ACER3: variants seen among roughly 807,000 people sequenced by gnomAD.
ACER3 encodes alkaline ceramidase 3.
In ACER3, 16 loss-of-function variants were observed where a neutral mutation model predicts 48.9. The ratio of observed to expected loss-of-function variants is 0.33; its 90% confidence interval spans 0.22 to 0.50. The LOEUF (loss-of-function observed/expected upper bound fraction) is 0.50. Among genes scored for constraint, ACER3 ranks in the 20% least tolerant of loss-of-function variants. ACER3 has a pLI of 0.98. For missense variants in ACER3, 227 were observed against 326.0 expected (o/e 0.70, Z 2.34); for synonymous variants, 109 against 107.8 (o/e 1.01, Z -0.07).
chr11:76,929,809 G>T (rs1451844902), intron 2 of ACER3, among the ~76,000 whole-genome samples: 3 of 152,176 alleles, frequency 2.0e-5, no homozygotes, highest in African/African-American at 7.2e-5. Flanking sequence ...TTGCATCCCA[G>T]GGATGAAGCC....
chr11:76,872,678 A>G (rs908180014), intron 1 of ACER3, among the ~76,000 whole-genome samples: 7 of 152,170 alleles, frequency 4.6e-5, no homozygotes, highest in African/African-American at 1.7e-4. Context: ...ATGGGTTACC[A>G]TATCACAGGA....
chr11:76,898,131 G>A (rs960230358), intron 1 of ACER3, among the ~76,000 whole-genome samples: 3 of 152,064 alleles, frequency 2.0e-5, no homozygotes, highest in South Asian at 2.1e-4. Context: ...TTGTGCAAAA[G>A]TGTACCTACC....
intron 2 of ACER3, among the ~76,000 whole-genome samples, chr11:76,934,928 A>G (rs577999460): frequency 1.3e-4 from 20 of 152,356 alleles, no homozygotes; most frequent in African/African-American, 4.8e-4. Flanking sequence ...TCTTCTCCAC[A>G]ACAAACTGTG....
chr11:76,868,076 G>A, intron 1 of ACER3: 1 of 1,285,560 alleles, frequency 7.8e-7, no homozygotes, highest in Non-Finnish European at 1.0e-6. Context: ...GCATTTGACT[G>A]CTTGTAGCCC....
chr11:76,878,755 T>C (rs1057042737), intron 1 of ACER3, among the ~76,000 whole-genome samples: 1 of 152,130 alleles, frequency 6.6e-6, no homozygotes, highest in African/African-American at 2.4e-5. Flanking sequence ...TAAGACTTTT[T>C]CTCCACAGTG....
In ACER3 at chr11:76,868,230, T is replaced by A. The variant is rs1191534314; in HGVS notation, c.103+7151T>A. 7 of 1,289,612 alleles carry A rather than the reference T, an allele frequency of 5.4e-6. No homozygotes were observed. In the Admixed American group the frequency reaches 1.6e-4, roughly 30 times the overall value. 79.9% of individuals were successfully genotyped at this position (1,289,612 alleles called of 1,614,324 possible). A position where few individuals can be genotyped will look rare whatever the true frequency, so the allele number is the denominator to read the frequency against. ...TGGCAGAGGTGACATCCCTGTCATA[T>A]GAAGGAAGATGCTCCTTTCTCTGAA... is the stretch of plus-strand genomic sequence containing the variant. On this transcript the variant is annotated intron_variant, in intron 1 of 10. Coordinates refer to ENST00000532485, the MANE Select transcript of ACER3 (RefSeq NM_018367.7).
chr11:77,016,583 G>A (rs1480078985), intron 8 of ACER3, 92 bp from the exon 9 acceptor site: 43 of 632,010 alleles, frequency 6.8e-5, no homozygotes, highest in Non-Finnish European at 1.1e-4. Flanking sequence ...CTGCTGTTTT[G>A]AGAATGATAT....
intron 1 of ACER3, among the ~76,000 whole-genome samples, chr11:76,866,674 A>G (rs1466686350): frequency 1.3e-5 from 2 of 152,236 alleles, no homozygotes; most frequent in East Asian, 3.8e-4. Context: ...AATCCTCAGA[A>G]CATTCCTATC....
chr11:76,984,999 C>T (rs1052253390), intron 4 of ACER3, among the ~76,000 whole-genome samples: 1 of 152,196 alleles, frequency 6.6e-6, no homozygotes, highest in African/African-American at 2.4e-5. Context: ...TTCCTCTCCA[C>T]ATGGCTTCGC....
At chr11:76,881,080 A>G (rs1945512783) in intron 1 of ACER3, among the ~76,000 whole-genome samples, 1 of 151,498 alleles carries the variant, frequency 6.6e-6, no homozygotes, top group South Asian at 2.1e-4. Flanking sequence ...ATATGGTGAA[A>G]CTCATCTCTA....
intron 7 of ACER3, among the ~76,000 whole-genome samples, chr11:77,005,992 T>TATATACATATATATATATATA (rs1491403985): frequency 1.6e-4 from 11 of 70,574 alleles, no homozygotes; most frequent in African/African-American, 4.9e-4. Flanking sequence ...TATATATATA[T>TATATACATATATATATATATA]TTTTTTTTTT....
At chr11:76,875,133 T>TTTTTTTTTTA (rs1490255598) in intron 1 of ACER3, among the ~76,000 whole-genome samples, 2 of 141,302 alleles carry the variant, frequency 1.4e-5, no homozygotes, top group African/African-American at 5.6e-5. Context: ...TTTTTTTTTT[T>TTTTTTTTTTA]AGATGGAATC....
At chr11:76,868,385 CTCTCTCTGTGTGTG>C (rs1453035126) in intron 1 of ACER3, 25 of 544,560 alleles carry the variant, frequency 4.6e-5, no homozygotes, top group African/African-American at 6.5e-5. Flanking sequence ...ATCTCTCTCT[CTCTCTCTGTGTGTG>C]TGTGTGTGTG....
At chr11:77,015,208 G>C in intron 8 of ACER3, 91 bp downstream of exon 8, 1 of 697,640 alleles carries the variant, frequency 1.4e-6, no homozygotes, top group South Asian at 1.8e-5. Flanking sequence ...GTAGTGCCCT[G>C]AAATGAATTT....
chr11:76,934,563 C>T (rs995484620), intron 2 of ACER3, among the ~76,000 whole-genome samples: 9 of 152,262 alleles, frequency 5.9e-5, no homozygotes, highest in Non-Finnish European at 1.3e-4. Context: ...CGTGCGCCTG[C>T]AATCGCAGGC....
intron 1 of ACER3, among the ~76,000 whole-genome samples, chr11:76,885,971 G>A (rs1462721752): frequency 1.3e-5 from 2 of 152,176 alleles, no homozygotes; most frequent in African/African-American, 2.4e-5. Context: ...TAAGAAAGCC[G>A]TTGTCGTGAG....
intron 4 of ACER3, among the ~76,000 whole-genome samples, chr11:76,977,206 G>A (rs1393934411): frequency 6.6e-6 from 1 of 152,190 alleles, no homozygotes; most frequent in Admixed American, 6.5e-5. Context: ...CATTGTCCAG[G>A]TAAACAGTCT....
At chr11:76,938,494 T>C (rs973552422) in intron 2 of ACER3, among the ~76,000 whole-genome samples, 5 of 152,028 alleles carry the variant, frequency 3.3e-5, no homozygotes, top group African/African-American at 7.2e-5. Context: ...TACTTATTTA[T>C]TTATTGGTAG....
At chr11:77,014,964 G>A (rs1246428424) in intron 7 of ACER3, 52 bp from the exon 8 acceptor site, 21 of 1,084,618 alleles carry the variant, frequency 1.9e-5, no homozygotes, top group Non-Finnish European at 2.7e-5. Flanking sequence ...ATTTCTGATC[G>A]TGACATGACT....
Sources: allele counts gnomAD v4.1 joint callset (sites outside exome capture counted in the v4.1 genomes callset), GRCh38; gene constraint gnomAD v4.1.1; transcripts MANE v1.5; gene names NCBI Gene and HGNC (gene_info 2026-07-23, HGNC 2026-07-21).